Variants in KIF24 observed in about 807,000 individuals in gnomAD.
KIF24 encodes the protein kinesin-like protein KIF24.
In KIF24, 81 loss-of-function variants were observed where a neutral mutation model predicts 118.9. The ratio of observed to expected loss-of-function variants is 0.68; its 90% CI spans 0.57 to 0.82. The LOEUF (loss-of-function observed/expected upper bound fraction) is 0.82. Ranked by LOEUF, KIF24 falls within the 40% of genes least tolerant of loss-of-function variation. The pLI is 0.00. For missense variants in KIF24, 1,560 were observed against 1,661.6 expected (o/e 0.94, Z 1.06); for synonymous variants, 599 against 610.0 (o/e 0.98, Z 0.27).
At chr9:34,277,763 A>G (rs1276356812) in intron 6 of KIF24, among the ~76,000 whole-genome samples, 1 of 152,364 alleles carries the variant, frequency 6.6e-6, no homozygotes, top group East Asian at 1.9e-4. Flanking sequence ...CAGAAACTAT[A>G]TAATAATGCA....
intron 1 of KIF24, chr9:34,319,142 G>A: frequency 1.3e-6 from 2 of 1,576,688 alleles, no homozygotes. Flanking sequence ...CAACTACTAT[G>A]ACAATGAGAA....
chr9:34,299,697 A>G (rs1836619451), intron 3 of KIF24, among the ~76,000 whole-genome samples: 1 of 152,022 alleles, frequency 6.6e-6, no homozygotes, highest in Admixed American at 6.6e-5. Context: ...GTACCTTTCT[A>G]TTTCAAAATA....
At chr9:34,309,973 T>C (rs538907604) in intron 2 of KIF24, among the ~76,000 whole-genome samples, 3 of 151,918 alleles carry the variant, frequency 2.0e-5, no homozygotes, top group African/African-American at 4.8e-5. Flanking sequence ...GGAGTACTTT[T>C]TTTTTTTTTT....
At chr9:34,254,781 C>T (rs77490741) in intron 12 of KIF24, among the ~76,000 whole-genome samples, 1 of 152,150 alleles carries the variant, frequency 6.6e-6, no homozygotes, top group African/African-American at 2.4e-5. Flanking sequence ...AGACTGGTCA[C>T]TGTTAGTCAC....
At chr9:34,262,379 C>T (rs1049214665) in intron 9 of KIF24, among the ~76,000 whole-genome samples, 5 of 151,900 alleles carry the variant, frequency 3.3e-5, no homozygotes, top group Non-Finnish European at 5.9e-5. Flanking sequence ...ATCCCTTCTC[C>T]GAAACGCTTG....
At chr9:34,298,091 T>C (rs1485418055) in intron 3 of KIF24, among the ~76,000 whole-genome samples, 2 of 152,026 alleles carry the variant, frequency 1.3e-5, no homozygotes, top group Admixed American at 1.3e-4. Flanking sequence ...AAGAGGAATT[T>C]GAAAGGGAGT....
chr9:34,302,554 C>G (rs1183435600), intron 3 of KIF24, among the ~76,000 whole-genome samples: 1 of 151,694 alleles, frequency 6.6e-6, no homozygotes, highest in Non-Finnish European at 1.5e-5. Flanking sequence ...TGAACTCTAA[C>G]TCCCAGATTC....
At chr9:34,271,741 G>C (rs1337732223) in intron 7 of KIF24, 68 bp downstream of exon 7, 1 of 1,563,270 alleles carries the variant, frequency 6.4e-7, no homozygotes, top group African/African-American at 1.4e-5. Context: ...CTGTTGTTGA[G>C]AAAACATACT....
intron 4 of KIF24, among the ~76,000 whole-genome samples, chr9:34,292,384 C>T (rs935966725): frequency 1.3e-5 from 2 of 151,978 alleles, no homozygotes; most frequent in African/African-American, 4.8e-5. Flanking sequence ...ATTTTTTCCC[C>T]TTTTATTTGC....
At chr9:34,308,346 C>T (rs1238210567) in intron 2 of KIF24, among the ~76,000 whole-genome samples, 3 of 150,924 alleles carry the variant, frequency 2.0e-5, no homozygotes, top group Non-Finnish European at 4.4e-5. Flanking sequence ...TGCAGTGGCA[C>T]AATCTTGGCT....
intron 4 of KIF24, among the ~76,000 whole-genome samples, chr9:34,295,656 T>A (rs561739137): frequency 7.9e-5 from 12 of 151,988 alleles, no homozygotes; most frequent in Non-Finnish European, 1.5e-4. Context: ...TTGGCCTGGG[T>A]GACAGAGTGA....
intron 2 of KIF24, 143 bp from the exon 3 acceptor site, chr9:34,306,584 C>T (rs768733907): frequency 1.2e-4 from 68 of 545,066 alleles, no homozygotes; most frequent in Non-Finnish European, 1.9e-4. Context: ...GGGCGGATCA[C>T]GATGTCAGGA....
At chr9:34,332,370 G>C (rs1363505529), upstream of KIF24, among the ~76,000 whole-genome samples, 1 of 152,024 alleles carries the variant, frequency 6.6e-6, no homozygotes, top group East Asian at 1.9e-4. Context: ...TCCATCTTAC[G>C]TTGCACAAAA....
Position 34,311,329 on chromosome 9 carries a change from A to G in KIF24, c.18T>C (p.Tyr6=). MASWL[Y]ECLCEAELAQ... is the part of the protein sequence containing the mutation. ...CAAGTTCAGCTTCACAAAGACATTCATATAACCAGGATGCCATTTTGGTGA... is the reference window on the plus strand; with the variant it reads ...CAAGTTCAGCTTCACAAAGACATTCGTATAACCAGGATGCCATTTTGGTGA... The change falls in exon 2 of 13, where the codon TAT becomes TAC. Residue 6 remains tyrosine (Y), a synonymous_variant. Transcript: ENST00000402558. 3 of 1,572,852 alleles carry G rather than the reference A, an allele frequency of 1.9e-6. No homozygotes were observed. The highest frequency in any genetic ancestry group is 2.6e-6 in the Non-Finnish European group (3 of 1,159,770).
intron 4 of KIF24, among the ~76,000 whole-genome samples, chr9:34,293,353 G>T (rs769279837): frequency 6.6e-6 from 1 of 151,648 alleles, no homozygotes; most frequent in African/African-American, 2.4e-5. Context: ...GGTGGCACAC[G>T]CCTACAATCC....
At chr9:34,297,350 T>A (rs547774629) in intron 3 of KIF24, among the ~76,000 whole-genome samples, 1 of 152,350 alleles carries the variant, frequency 6.6e-6, no homozygotes, top group African/African-American at 2.4e-5. Context: ...TGTTTTCTCT[T>A]AAGAGAAGTA....
rs563348990 is a variant in KIF24 at position 34,307,144 on chromosome 9, T to A, written c.624-703A>T. Among the ~76,000 whole-genome samples, 7 of 152,222 alleles carry A rather than the reference T, an allele frequency of 4.6e-5. No individual in the cohort carries two copies. The East Asian group carries it at 1.4e-3, about 29-fold the overall frequency. ...AGTACAGTGGCACAGCCATGGCTCA[T>A]TGCAGCCTCAACCTCCAGGGTTCAA... On this transcript the variant is annotated intron_variant, in intron 2 of 12. Coordinates refer to ENST00000402558, the MANE Select transcript of KIF24 (RefSeq NM_194313.4).
Position 34,271,918 on chromosome 9 carries a change from C to T in KIF24, c.1228G>A (p.Gly410Ser), listed in dbSNP as rs1835524398. 6.3e-7 allele frequency: 1 copy of T among 1,594,880 alleles called. No individual in the cohort carries two copies. The highest frequency in any genetic ancestry group is 1.1e-5 in the South Asian group (1 of 88,002). The change falls in exon 7 of 13, where the codon GGC (glycine) becomes AGC (serine). Residue 410 changes from glycine to serine, a missense_variant. This residue lies in a region of KIF24 where 964 missense variants were observed against 988.0 expected (regional missense o/e 0.98). Transcript: ENST00000402558. The stretch of plus-strand genomic sequence containing the variant: ...GCCCCAGTGCTGCGCTCCTTGCTGC[C>T]CTTTAAGATCACCTGAAAATAAAAT... ...VELLLEVILK[G>S]SKERSTGATG...
At chr9:34,271,678 A>G in intron 7 of KIF24, 131 bp downstream of exon 7, 1 of 906,968 alleles carries the variant, frequency 1.1e-6, no homozygotes, top group Non-Finnish European at 1.6e-6. Flanking sequence ...TTTCAGGGCT[A>G]ACAACTCTAC....
Sources: allele counts gnomAD v4.1 joint callset (sites outside exome capture counted in the v4.1 genomes callset), GRCh38; gene constraint gnomAD v4.1.1; regional missense constraint gnomAD v4.1.1; transcripts MANE v1.5; gene names NCBI Gene and HGNC (gene_info 2026-07-23, HGNC 2026-07-21).